RGPD2: variants seen among roughly 807,000 people sequenced by gnomAD.
RGPD2 encodes the protein RANBP2 like and GRIP domain containing 2, also known as RANBP2-like and GRIP domain-containing protein 2.
A neutral mutation model predicts 36.0 loss-of-function variants in RGPD2; 2 were observed. The observed-to-expected ratio is 0.06, with a 90% confidence interval of 0.02 to 0.17. RGPD2 has a LOEUF of 0.17. Among genes scored for constraint, RGPD2 ranks in the 10% least tolerant of loss-of-function variants. The probability of loss-of-function intolerance (pLI) is 1.00; values close to 1 mark genes in which losing one functional copy is unlikely to be tolerated. For synonymous variants in RGPD2, 19 were observed against 163.8 expected (o/e 0.12, Z 6.75); for missense variants, 40 against 464.3 (o/e 0.09, Z 8.40).
At chr2:87,942,272 CT>C in the RGPD2 span, among the ~76,000 whole-genome samples, 1 of 116,916 alleles carries the variant, frequency 8.6e-6, no homozygotes, top group African/African-American at 4.0e-5. Flanking sequence ...GAGAATGTAT[CT>C]TTAAAAAATA....
the RGPD2 span, among the ~76,000 whole-genome samples, chr2:87,951,373 T>C: frequency 4.0e-5 from 6 of 151,724 alleles, no homozygotes; most frequent in African/African-American, 7.3e-5. Context: ...CAAGGGACTT[T>C]CGAGATATCT....
chr2:87,911,954 G>A, the RGPD2 span, among the ~76,000 whole-genome samples: 1 of 151,780 alleles, frequency 6.6e-6, no homozygotes, highest in Admixed American at 6.6e-5. Context: ...GGATCATATG[G>A]ACCAAAACAT....
chr2:87,824,431 C>A (rs1223565617), intron 1 of RGPD2, among the ~76,000 whole-genome samples: 1 of 152,060 alleles, frequency 6.6e-6, no homozygotes, highest in African/African-American at 2.4e-5. Context: ...AAAGCATGGG[C>A]AGTTCACAGA....
the RGPD2 span, among the ~76,000 whole-genome samples, chr2:87,846,615 T>C: frequency 6.6e-6 from 1 of 152,170 alleles, no homozygotes; most frequent in Non-Finnish European, 1.5e-5. Context: ...GTAAGAACGC[T>C]ATGAGCATAC....
the RGPD2 span, among the ~76,000 whole-genome samples, chr2:87,831,260 A>T: frequency 6.6e-6 from 1 of 152,120 alleles, no homozygotes; most frequent in South Asian, 2.1e-4. Flanking sequence ...AAAATAGTCA[A>T]TATGAAGCAC....
chr2:87,978,186 A>G, the RGPD2 span, among the ~76,000 whole-genome samples: 2 of 151,914 alleles, frequency 1.3e-5, no homozygotes, highest in African/African-American at 2.4e-5. Context: ...TGCTCATCAA[A>G]GACACTGTTA....
chr2:87,950,690 CAGA>C, the RGPD2 span, among the ~76,000 whole-genome samples: 1 of 140,734 alleles, frequency 7.1e-6, no homozygotes, highest in African/African-American at 2.6e-5. Context: ...CCAGTGGGTA[CAGA>C]AGGACTGTGA....
the RGPD2 span, among the ~76,000 whole-genome samples, chr2:87,877,804 CAAAAAAAAAAAAAAAAAA>C: frequency 4.1e-4 from 35 of 84,392 alleles, no homozygotes; most frequent in East Asian, 2.4e-3. Context: ...GACTCCGTCT[CAAAAAAAAAAAAAAAAAA>C]AAAAAAAAAA....
At chr2:87,781,497 C>T (rs573650065) in intron 20 of RGPD2, among the ~76,000 whole-genome samples, 1 of 143,396 alleles carries the variant, frequency 7.0e-6, no homozygotes, top group African/African-American at 2.6e-5. Flanking sequence ...CAAAGTCTCA[C>T]TCAGTCAGGC....
chr2:87,981,887 GAGA>G, the RGPD2 span, among the ~76,000 whole-genome samples: 1 of 47,864 alleles, frequency 2.1e-5, no homozygotes, highest in Non-Finnish European at 4.7e-5. Flanking sequence ...GTTATTGAGA[GAGA>G]AGATTTGCTT....
the RGPD2 span, among the ~76,000 whole-genome samples, chr2:87,977,835 G>C: frequency 1.3e-5 from 2 of 152,200 alleles, no homozygotes; most frequent in Non-Finnish European, 2.9e-5. Context: ...AATATCCTTG[G>C]CTGGGCACAG....
At chr2:87,825,444 CGGCCA>C (rs1213325598) in intron 1 of RGPD2, among the ~76,000 whole-genome samples, 10 of 111,436 alleles carry the variant, frequency 9.0e-5, no homozygotes, top group East Asian at 4.7e-4. Flanking sequence ...CGCCGCCGCC[CGGCCA>C]GGCCGAGGCC....
At position 87,756,536 on chromosome 2, in the gene RGPD2, C is replaced by G. The variant is rs1170374557; in HGVS notation, c.*856G>C. On this transcript the variant is annotated 3_prime_UTR_variant, in exon 23 of 23. Coordinates refer to ENST00000398146, the MANE Select transcript of RGPD2 (RefSeq NM_001078170.3). ...CTGTCTGATTCCACTAGAATGTGAG[C>G]TCTATGATGGCCAAGCCTCTGGCTG... is the stretch of plus-strand genomic sequence containing the variant. The G allele has an allele frequency of 6.2e-6, 2 of 324,772 alleles. No individual in the cohort carries two copies. The highest frequency in any genetic ancestry group is 4.3e-5 in the African/African-American group (2 of 46,998). The allele number at this position is 324,772 out of a possible 1,614,324, so 20.1% of individuals were successfully genotyped here. A position where few individuals can be genotyped will look rare whatever the true frequency, so the allele number is the denominator to read the frequency against.
At chr2:87,875,100 C>A in the RGPD2 span, among the ~76,000 whole-genome samples, 686 of 152,216 alleles carry the variant, frequency 4.5e-3, 1 homozygote, top group Non-Finnish European at 7.2e-3. Flanking sequence ...GCTTAAGGAG[C>A]TTTTGGGCTG....
chr2:87,842,809 T>C, the RGPD2 span, among the ~76,000 whole-genome samples: 1 of 151,360 alleles, frequency 6.6e-6, no homozygotes, highest in Non-Finnish European at 1.5e-5. Flanking sequence ...GACTTCAAAC[T>C]ATACTACAAG....
the RGPD2 span, among the ~76,000 whole-genome samples, chr2:87,875,241 T>C: frequency 2.6e-5 from 4 of 152,182 alleles, no homozygotes; most frequent in Non-Finnish European, 5.9e-5. Flanking sequence ...CAATACCATG[T>C]TGAATAAGAA....
chr2:87,924,419 G>A, the RGPD2 span, among the ~76,000 whole-genome samples: 1 of 149,018 alleles, frequency 6.7e-6, no homozygotes, highest in African/African-American at 2.5e-5. Context: ...AATAGCGTTC[G>A]AGCAGTGAGG....
chr2:87,928,840 G>T, the RGPD2 span, among the ~76,000 whole-genome samples: 2 of 151,168 alleles, frequency 1.3e-5, no homozygotes, highest in African/African-American at 4.9e-5. Flanking sequence ...TGGGTCACAT[G>T]TATGTCTTCT....
At chr2:87,919,799 A>G in the RGPD2 span, among the ~76,000 whole-genome samples, 3 of 150,296 alleles carry the variant, frequency 2.0e-5, no homozygotes, top group South Asian at 2.1e-4. Context: ...AGCACTTTAC[A>G]TATATAATTT....
Sources: allele counts gnomAD v4.1 joint callset (sites outside exome capture counted in the v4.1 genomes callset), GRCh38; gene constraint gnomAD v4.1.1; transcripts MANE v1.5; gene names NCBI Gene and HGNC (gene_info 2026-07-23, HGNC 2026-07-21).